NEMP2: variants seen among roughly 807,000 people sequenced by gnomAD.
NEMP2 encodes nuclear envelope integral membrane protein 2, also known as UPF0571 transmembrane protein.
Under a neutral mutation model 54.2 loss-of-function variants are expected in NEMP2, and 53 were observed. That is an observed-to-expected ratio of 0.98 (90% CI 0.78 to 1.23). NEMP2 has a LOEUF of 1.23. NEMP2 is among the 50% of genes most tolerant of loss of function. NEMP2 has a pLI of 0.00. For synonymous variants in NEMP2, 197 were observed against 190.3 expected, an observed-to-expected ratio of 1.04 and a Z score of -0.29; for missense variants, 455 against 511.3, an observed-to-expected ratio of 0.89 and a Z score of 1.06.
chr2:190,621,551 C>T, the NEMP2 span, among the ~76,000 whole-genome samples: 4 of 150,878 alleles, frequency 2.7e-5, no homozygotes, highest in African/African-American at 9.7e-5. Context: ...CCAAATTGAC[C>T]TATATATTCA....
At chr2:190,475,781 T>C in the NEMP2 span, among the ~76,000 whole-genome samples, 5 of 152,158 alleles carry the variant, frequency 3.3e-5, no homozygotes, top group Non-Finnish European at 5.9e-5. Context: ...AGAACAAAGC[T>C]GGAGGCATCA....
the NEMP2 span, among the ~76,000 whole-genome samples, chr2:190,422,630 A>G: frequency 6.6e-6 from 1 of 152,142 alleles, no homozygotes; most frequent in African/African-American, 2.4e-5. Context: ...AAAGTTTGTA[A>G]GGTAATTCGT....
chr2:190,510,553 T>G lies in NEMP2; in HGVS notation c.954-16A>C, dbSNP rs1484562490. The G allele has an allele frequency of 6.4e-7, 1 of 1,551,616 alleles. No individual in the cohort carries two copies. Among genetic ancestry groups the G allele is most frequent in the Non-Finnish European group, 8.7e-7 (1 of 1,146,834 alleles). ...CTCCATTTTCCTAAAACATGGCATG[T>G]GGTTGCAGGATTACTTCCTAATTCA... On this transcript the variant is annotated splice_polypyrimidine_tract_variant and intron_variant, in intron 7 of 8. Transcript: ENST00000409150. The surrounding 1 kb of genome is among the most constrained non-coding windows in gnomAD (Gnocchi z 5.7).
the NEMP2 span, among the ~76,000 whole-genome samples, chr2:190,422,166 G>C: frequency 6.6e-6 from 1 of 152,132 alleles, no homozygotes; most frequent in Admixed American, 6.5e-5. Flanking sequence ...GTATTTATCA[G>C]TTATTCATCC....
chr2:190,535,698 C>G (rs1691353604), upstream of NEMP2, among the ~76,000 whole-genome samples: 1 of 152,196 alleles, frequency 6.6e-6, no homozygotes, highest in African/African-American at 2.4e-5. Flanking sequence ...AAAGGTTTAA[C>G]CAACTGCCCT....
chr2:190,572,833 G>GTTTTTA, the NEMP2 span, among the ~76,000 whole-genome samples: 2 of 47,862 alleles, frequency 4.2e-5, no homozygotes, highest in Admixed American at 2.6e-4. Flanking sequence ...CTTTTCATGA[G>GTTTTTA]TATATATATA....
chr2:190,609,318 T>C, the NEMP2 span: 1 of 152,172 alleles, frequency 6.6e-6, no homozygotes, highest in South Asian at 2.1e-4. The surrounding 1 kb of genome is among the most constrained non-coding windows in gnomAD (Gnocchi z 4.7). Context: ...CTCAGTAAGT[T>C]TACTTAATCT....
At chr2:190,572,863 A>ATATATG in the NEMP2 span, among the ~76,000 whole-genome samples, 9 of 128,924 alleles carry the variant, frequency 7.0e-5, no homozygotes, top group African/African-American at 2.6e-4. Context: ...ATATATATAT[A>ATATATG]TATATATATA....
At chr2:190,430,576 A>G in the NEMP2 span, among the ~76,000 whole-genome samples, 1 of 152,104 alleles carries the variant, frequency 6.6e-6, no homozygotes. Flanking sequence ...TTAGTACAGA[A>G]CAAAATGAAA....
chr2:190,453,677 T>C, the NEMP2 span, among the ~76,000 whole-genome samples: 1 of 152,220 alleles, frequency 6.6e-6, no homozygotes, highest in Non-Finnish European at 1.5e-5. Flanking sequence ...ATTCTTTTAA[T>C]GTTACTCACT....
chr2:190,474,791 G>T, the NEMP2 span, among the ~76,000 whole-genome samples: 18 of 152,310 alleles, frequency 1.2e-4, no homozygotes, highest in East Asian at 1.3e-3. Context: ...CAATATTCCT[G>T]ATGAAGATAG....
At chr2:190,434,694 AGT>A in the NEMP2 span, among the ~76,000 whole-genome samples, 2 of 152,166 alleles carry the variant, frequency 1.3e-5, no homozygotes, top group Non-Finnish European at 2.9e-5. This position sits in a 1 kb window ranked among gnomAD's most constrained non-coding sequence, Gnocchi z 4.3. Context: ...AGCCTCCCAA[AGT>A]GCTGGGATTA....
chr2:190,551,304 C>G, the NEMP2 span, among the ~76,000 whole-genome samples: 3 of 151,814 alleles, frequency 2.0e-5, no homozygotes, highest in East Asian at 5.8e-4. Context: ...GTTGAATCTT[C>G]TCATCCATCT....
the NEMP2 span, among the ~76,000 whole-genome samples, chr2:190,456,901 GT>G: frequency 6.6e-6 from 1 of 152,160 alleles, no homozygotes; most frequent in Non-Finnish European, 1.5e-5. The surrounding 1 kb of genome is among the most constrained non-coding windows in gnomAD (Gnocchi z 5.4). Flanking sequence ...TTGGACAACT[GT>G]TGAGTGGCAT....
chr2:190,430,894 C>T, the NEMP2 span, among the ~76,000 whole-genome samples: 4 of 105,492 alleles, frequency 3.8e-5, no homozygotes, highest in East Asian at 1.4e-3. Flanking sequence ...CGGAGACGCT[C>T]CTCACTTCCC....
the NEMP2 span, chr2:190,463,783 G>A: frequency 1.4e-6 from 1 of 721,788 alleles, no homozygotes; most frequent in Non-Finnish European, 1.7e-6. The surrounding 1 kb of genome is among the most constrained non-coding windows in gnomAD (Gnocchi z 4.4). Flanking sequence ...TGACGCTACT[G>A]CACTCCAGCC....
chr2:190,524,155 T>C (rs1690850037), intron 2 of NEMP2, among the ~76,000 whole-genome samples: 1 of 151,924 alleles, frequency 6.6e-6, no homozygotes. Context: ...AGGTTGAGGC[T>C]GCAGTGAACC....
chr2:190,615,802 C>A, the NEMP2 span, among the ~76,000 whole-genome samples: 16 of 152,156 alleles, frequency 1.1e-4, no homozygotes, highest in Non-Finnish European at 1.8e-4. The surrounding 1 kb of genome is among the most constrained non-coding windows in gnomAD (Gnocchi z 4.7). Context: ...ATTTTAGGAG[C>A]CTCGAGCCAG....
chr2:190,429,777 A>G, the NEMP2 span, among the ~76,000 whole-genome samples: 1 of 152,138 alleles, frequency 6.6e-6, no homozygotes, highest in Admixed American at 6.5e-5. Context: ...TTTTAAACCT[A>G]TAATCTACCT....
Sources: gnomAD v4.1 joint callset for allele counts (sites outside exome capture counted in the v4.1 genomes callset) on GRCh38, gnomAD v4.1.1 for gene constraint, Gnocchi (gnomAD v3.1) non-coding constraint, MANE v1.5 for transcripts, NCBI Gene and HGNC (gene_info 2026-07-23, HGNC 2026-07-21) for gene names.